The following LNPEP variants were observed in gnomAD, a reference collection of about 807,000 sequenced individuals.
LNPEP encodes the protein leucyl and cystinyl aminopeptidase.
Under a neutral mutation model 120.6 loss-of-function variants are expected in LNPEP, and 64 were observed. The ratio of observed to expected loss-of-function variants is 0.53; its 90% CI spans 0.43 to 0.65. The LOEUF is 0.65. Among genes scored for constraint, LNPEP ranks in the 30% least tolerant of loss-of-function variants. The pLI is 0.00. For synonymous variants in LNPEP, 435 were observed against 425.4 expected (o/e 1.02, Z -0.28); for missense variants, 1,057 against 1,200.0 (o/e 0.88, Z 1.76).
chr5:97,022,733 C>A (rs1791236165), intron 14 of LNPEP, among the ~76,000 whole-genome samples: 1 of 149,546 alleles, frequency 6.7e-6, no homozygotes, highest in Non-Finnish European at 1.5e-5. Context: ...GTGTGCTGCA[C>A]CCATTAACTC....
chr5:96,983,621 T>A (rs1790175709), intron 2 of LNPEP, among the ~76,000 whole-genome samples: 1 of 152,030 alleles, frequency 6.6e-6, no homozygotes. Flanking sequence ...AATTTTTATA[T>A]TTTTAAGTAG....
intron 1 of LNPEP, chr5:96,943,117 G>A (rs549895260): frequency 9.9e-5 from 38 of 384,852 alleles, no homozygotes; most frequent in Non-Finnish European, 1.5e-4. Flanking sequence ...GTCTTTCTGA[G>A]ATTGTTAAGC....
intron 1 of LNPEP, among the ~76,000 whole-genome samples, chr5:96,965,472 A>G (rs1432842112): frequency 6.6e-6 from 1 of 152,016 alleles, no homozygotes; most frequent in Non-Finnish European, 1.5e-5. Context: ...TATTTTGAGG[A>G]CTCATTTTTG....
chr5:96,963,109 T>C (rs1206033499), intron 1 of LNPEP, among the ~76,000 whole-genome samples: 1 of 152,198 alleles, frequency 6.6e-6, no homozygotes, highest in African/African-American at 2.4e-5. Context: ...CATGAGACAC[T>C]GCATGTGTTC....
chr5:97,024,977 C>T (rs1365245306), intron 15 of LNPEP, among the ~76,000 whole-genome samples: 2 of 152,148 alleles, frequency 1.3e-5, no homozygotes, highest in African/African-American at 4.8e-5. Context: ...ACAATTGGTA[C>T]TCCATAGTTT....
At chr5:97,014,089 A>G (rs1791004927) in intron 12 of LNPEP, among the ~76,000 whole-genome samples, 1 of 152,164 alleles carries the variant, frequency 6.6e-6, no homozygotes, top group Non-Finnish European at 1.5e-5. Context: ...TATTTTGTTG[A>G]CTAAACTTGA....
intron 14 of LNPEP, among the ~76,000 whole-genome samples, chr5:97,022,741 C>G: frequency 6.8e-6 from 1 of 148,014 alleles, no homozygotes; most frequent in African/African-American, 2.5e-5. Context: ...CACCCATTAA[C>G]TCGTCATTTA....
At chr5:97,021,926 T>G (rs1180633255) in intron 13 of LNPEP, among the ~76,000 whole-genome samples, 19 of 117,112 alleles carry the variant, frequency 1.6e-4, no homozygotes, top group South Asian at 1.2e-3. Flanking sequence ...GTCTTTTGTT[T>G]TTTTTTTTTT....
rs148960443 is a variant in LNPEP at position 97,002,296 on chromosome 5, C to T, written c.1654-1119C>T. On this transcript the variant is annotated intron_variant, in intron 8 of 17. Coordinates refer to ENST00000231368, the MANE Select transcript of LNPEP (RefSeq NM_005575.3). ...GGGGAACAAAAAAACAGCACGGTAACGAGTTGGTAACGAGGAGGGTGAAGT... is the reference window on the plus strand; with the variant it reads ...GGGGAACAAAAAAACAGCACGGTAATGAGTTGGTAACGAGGAGGGTGAAGT... Among the ~76,000 whole-genome samples, 88 of 152,088 alleles carry T rather than the reference C, an allele frequency of 5.8e-4. 1 individual carries two copies. In the East Asian group the frequency reaches 0.014, roughly 24 times the overall value.
intron 13 of LNPEP, among the ~76,000 whole-genome samples, chr5:97,021,845 C>CT (rs80051253): frequency 0.11 from 15,482 of 143,592 alleles, 1,268 homozygotes; most frequent in East Asian, 0.44. Flanking sequence ...ATATCTATGC[C>CT]TTTTTTTTTC....
Position 97,035,375 on chromosome 5 carries a change from G to A in LNPEP, c.*6842G>A, listed in dbSNP as rs1033183962. Reference sequence around the variant, plus strand: ...TTATTGCCTGTGTCGGCAATAGGAAGTAGAATAGTTGTGTGTTGTTTACTT... The same window carrying A: ...TTATTGCCTGTGTCGGCAATAGGAAATAGAATAGTTGTGTGTTGTTTACTT... On this transcript the variant is annotated 3_prime_UTR_variant, in exon 18 of 18. Coordinates refer to ENST00000231368, the MANE Select transcript of LNPEP (RefSeq NM_005575.3). 2.0e-5 allele frequency: 3 copies of A among 152,124 alleles called. No homozygotes were observed. The highest frequency in any genetic ancestry group is 4.4e-5 in the Non-Finnish European group (3 of 67,994). 9.4% of individuals were successfully genotyped at this position (152,124 alleles called of 1,614,324 possible).
At position 96,998,061 on chromosome 5, in the gene LNPEP, C is replaced by G; in HGVS notation, c.1569C>G (p.Ser523=). Residue 523 remains serine, a synonymous_variant, in exon 8 of 18, where the codon TCC becomes TCG. Coordinates refer to ENST00000231368, the MANE Select transcript of LNPEP (RefSeq NM_005575.3). ...GATTTAAAACCATGAAGAAAGATTC[C>G]TTAAATTCATCTCATCCAATATCAT... ...DARFKTMKKD[S]LNSSHPISSS... The G allele has an allele frequency of 6.3e-7, 1 of 1,582,434 alleles. No homozygotes were observed. Among genetic ancestry groups the G allele is most frequent in the Non-Finnish European group, 8.6e-7 (1 of 1,156,946 alleles).
At chr5:96,969,373 A>C (rs1214540937) in intron 1 of LNPEP, among the ~76,000 whole-genome samples, 1 of 151,874 alleles carries the variant, frequency 6.6e-6, no homozygotes, top group Admixed American at 6.6e-5. Context: ...ACTTGAAAGG[A>C]GAGGGAGAAC....
intron 4 of LNPEP, among the ~76,000 whole-genome samples, chr5:96,987,831 T>C (rs536584227): frequency 1.3e-5 from 2 of 152,324 alleles, no homozygotes; most frequent in East Asian, 1.9e-4. Context: ...TTCAATTAAT[T>C]CCACTTCAGG....
At chr5:96,989,330 TTATATATAATATATAA>T (rs1276136259) in intron 4 of LNPEP, among the ~76,000 whole-genome samples, 1 of 21,434 alleles carries the variant, frequency 4.7e-5, no homozygotes, top group Non-Finnish European at 8.5e-5. Flanking sequence ...TAATATATAA[TTATATATAATATATAA>T]TATATTATAT....
intron 1 of LNPEP, among the ~76,000 whole-genome samples, chr5:96,946,513 A>C (rs1328830970): frequency 6.6e-6 from 1 of 152,248 alleles, no homozygotes; most frequent in African/African-American, 2.4e-5. Context: ...TTAATTAATT[A>C]CCAATTCAGG....
intron 11 of LNPEP, among the ~76,000 whole-genome samples, chr5:97,008,800 G>A (rs1249692713): frequency 6.6e-6 from 1 of 151,548 alleles, no homozygotes; most frequent in Non-Finnish European, 1.5e-5. Flanking sequence ...GAGTAGCTGG[G>A]ACTACAGGCG....
intron 4 of LNPEP, among the ~76,000 whole-genome samples, chr5:96,988,497 C>G (rs935126489): frequency 1.3e-5 from 2 of 151,722 alleles, no homozygotes; most frequent in Non-Finnish European, 2.9e-5. Flanking sequence ...CTCCACCACG[C>G]CCGGCTAATT....
chr5:96,946,471 A>G (rs1454834725), intron 1 of LNPEP, among the ~76,000 whole-genome samples: 11 of 152,228 alleles, frequency 7.2e-5, no homozygotes, highest in Non-Finnish European at 5.9e-5. Context: ...GTTCCAGTCC[A>G]GTTGTTCACT....
Sources: allele counts gnomAD v4.1 joint callset (sites outside exome capture counted in the v4.1 genomes callset), GRCh38; gene constraint gnomAD v4.1.1; transcripts MANE v1.5; gene names NCBI Gene and HGNC (gene_info 2026-07-23, HGNC 2026-07-21).